The following RNFT2 variants were observed in gnomAD, a reference collection of about 807,000 sequenced individuals.
RNFT2 encodes E3 ubiquitin-protein ligase RNFT2.
A neutral mutation model predicts 53.0 loss-of-function variants in RNFT2; 36 were observed. The ratio of observed to expected loss-of-function variants is 0.68; its 90% CI spans 0.52 to 0.90. The LOEUF (loss-of-function observed/expected upper bound fraction) is 0.90, where lower values mean the gene tolerates loss of function less well. Ranked by LOEUF, RNFT2 falls within the 40% of genes least tolerant of loss-of-function variation. RNFT2 has a pLI of 0.00. For synonymous variants in RNFT2, 260 were observed against 253.2 expected, an observed-to-expected ratio of 1.03 and a Z score of -0.26; for missense variants, 514 against 585.6, an observed-to-expected ratio of 0.88 and a Z score of 1.26.
intron 10 of RNFT2, among the ~76,000 whole-genome samples, chr12:116,837,993 A>G (rs1877062487): frequency 6.6e-6 from 1 of 151,962 alleles, no homozygotes; most frequent in African/African-American, 2.4e-5. Flanking sequence ...ATGTGTGTAT[A>G]TATTTATACA....
chr12:116,831,177 C>A (rs1876625236), intron 7 of RNFT2, among the ~76,000 whole-genome samples: 1 of 137,460 alleles, frequency 7.3e-6, no homozygotes, highest in Non-Finnish European at 1.6e-5. Flanking sequence ...CTGGACAACA[C>A]AGCATGACCT....
At chr12:116,763,959 C>T (rs760324919) in intron 5 of RNFT2, among the ~76,000 whole-genome samples, 8 of 152,068 alleles carry the variant, frequency 5.3e-5, no homozygotes, top group Non-Finnish European at 1.0e-4. Context: ...TCCCAAATGC[C>T]CATCAACCAA....
intron 7 of RNFT2, among the ~76,000 whole-genome samples, chr12:116,805,693 C>T (rs1024071347): frequency 2.6e-5 from 4 of 152,172 alleles, no homozygotes; most frequent in African/African-American, 9.6e-5. Flanking sequence ...AGGCTGGTCT[C>T]GAACTCCTGG....
chr12:116,741,391 G>T (rs893936630), intron 3 of RNFT2, among the ~76,000 whole-genome samples: 1 of 152,142 alleles, frequency 6.6e-6, no homozygotes, highest in Non-Finnish European at 1.5e-5. Flanking sequence ...ATCATAGAAT[G>T]GGTGGTTTAA....
chr12:116,847,895 G>A (rs1877700921), intron 10 of RNFT2, among the ~76,000 whole-genome samples: 1 of 152,132 alleles, frequency 6.6e-6, no homozygotes, highest in African/African-American at 2.4e-5. Flanking sequence ...ATACAGGTTT[G>A]TTACATAGGT....
intron 6 of RNFT2, among the ~76,000 whole-genome samples, chr12:116,768,220 C>T (rs1245655799): frequency 6.6e-6 from 1 of 151,608 alleles, no homozygotes; most frequent in Non-Finnish European, 1.5e-5. Context: ...CCTGTCTCAG[C>T]CTCTTGAGTA....
rs1256797686 is a variant in RNFT2, at chr12:116,750,192, G to A, written c.435G>A (p.Gln145=). The A allele has an allele frequency of 1.9e-6, 3 of 1,601,684 alleles. No individual in the cohort carries two copies. The highest frequency in any genetic ancestry group is 2.5e-6 in the Non-Finnish European group (3 of 1,177,718). Residue 145 remains glutamine, a synonymous_variant, in exon 4 of 11, where the codon CAG becomes CAA. Coordinates refer to ENST00000257575, the MANE Select transcript of RNFT2 (RefSeq NM_001382266.1). ...ACTCGGAGGAGGGAGGCGACGAGCA[G>A]CCTGGGACGCCCGCCCCCGCCCTGT... ...RGHSEEGGDE[Q]PGTPAPALSE...
intron 7 of RNFT2, among the ~76,000 whole-genome samples, chr12:116,784,750 C>G (rs1237400182): frequency 1.3e-5 from 2 of 152,154 alleles, no homozygotes; most frequent in African/African-American, 4.8e-5. Context: ...TTTTGCCTCC[C>G]CAGTGACGTG....
intron 4 of RNFT2, 34 bp downstream of exon 4, chr12:116,750,341 G>C: frequency 6.4e-7 from 1 of 1,560,322 alleles, no homozygotes; most frequent in Non-Finnish European, 8.6e-7. Flanking sequence ...CCTAGCCATG[G>C]GCTTCACAGG....
chr12:116,744,523 A>C (rs1871804775), intron 3 of RNFT2, among the ~76,000 whole-genome samples: 1 of 152,168 alleles, frequency 6.6e-6, no homozygotes, highest in Admixed American at 6.5e-5. Context: ...ACCTAAAGTC[A>C]CACAGCCAGG....
intron 7 of RNFT2, among the ~76,000 whole-genome samples, chr12:116,780,620 C>T (rs878916405): frequency 6.6e-6 from 1 of 150,964 alleles, no homozygotes; most frequent in Admixed American, 6.6e-5. Flanking sequence ...GATGAAGCCG[C>T]AGCTCTGGTA....
At chr12:116,824,107 C>T (rs983263365) in intron 7 of RNFT2, among the ~76,000 whole-genome samples, 1 of 152,178 alleles carries the variant, frequency 6.6e-6, no homozygotes, top group Non-Finnish European at 1.5e-5. Flanking sequence ...TTTCCCAGGT[C>T]TTTCCCATGG....
At chr12:116,823,037 A>G (rs1876131464) in intron 7 of RNFT2, among the ~76,000 whole-genome samples, 1 of 152,160 alleles carries the variant, frequency 6.6e-6, no homozygotes, top group Admixed American at 6.5e-5. Flanking sequence ...AAATACAACT[A>G]GAGAACTAGA....
At position 116,850,036 on chromosome 12, in the gene RNFT2, G is replaced by C. The variant is rs1454131980; in HGVS notation, c.*588G>C. On this transcript the variant is annotated 3_prime_UTR_variant, in exon 11 of 11. Transcript: ENST00000257575. ...TTTTTGTATTTTTTAGTAGAGACAG[G>C]GTTTTGCCATGTTGGCCAGGCTGGT... 1.3e-5 allele frequency: 2 copies of C among 151,374 alleles called. No individual in the cohort carries two copies. The highest frequency in any genetic ancestry group is 3.9e-4 in the East Asian group (2 of 5,142). The allele number at this position is 151,374 out of a possible 1,614,324, so 9.4% of individuals were successfully genotyped here. A position where few individuals can be genotyped will look rare whatever the true frequency, so the allele number is the denominator to read the frequency against.
chr12:116,835,150 C>G (rs1331949469), intron 8 of RNFT2, among the ~76,000 whole-genome samples: 1 of 152,002 alleles, frequency 6.6e-6, no homozygotes, highest in Non-Finnish European at 1.5e-5. Flanking sequence ...CCACCTGGCC[C>G]CCATTATTCC....
chr12:116,804,177 A>G (rs1874937615), intron 7 of RNFT2, among the ~76,000 whole-genome samples: 1 of 152,260 alleles, frequency 6.6e-6, no homozygotes, highest in South Asian at 2.1e-4. Flanking sequence ...TTCTACATAC[A>G]TCCTTTTGCA....
chr12:116,796,605 G>A (rs990733088), intron 7 of RNFT2, among the ~76,000 whole-genome samples: 1 of 152,176 alleles, frequency 6.6e-6, no homozygotes, highest in Admixed American at 6.5e-5. Context: ...GGCTTTCAGT[G>A]CCATTAAAAT....
rs759040331 is a variant in RNFT2, at chr12:116,852,723, C to T, written c.*3275C>T. ...AGTGCAGGTGTGTAAGGAAATAGAA[C>T]AGTCTGCTGGGAGTCAGACCTGGAA... is the stretch of plus-strand genomic sequence containing the variant. On this transcript the variant is annotated 3_prime_UTR_variant, in exon 11 of 11. Coordinates refer to ENST00000257575, the MANE Select transcript of RNFT2 (RefSeq NM_001382266.1). The T allele has an allele frequency of 6.2e-6, 10 of 1,612,110 alleles. No homozygotes were observed. The African/African-American group carries it at 1.2e-4, about 19-fold the overall frequency.
At chr12:116,758,426 G>A (rs1251900771) in intron 5 of RNFT2, among the ~76,000 whole-genome samples, 3 of 152,080 alleles carry the variant, frequency 2.0e-5, no homozygotes, top group Non-Finnish European at 4.4e-5. Context: ...TTGTATTTTT[G>A]TTTTATGGTC....
Sources: gnomAD v4.1 joint callset for allele counts (sites outside exome capture counted in the v4.1 genomes callset) on GRCh38, gnomAD v4.1.1 for gene constraint, MANE v1.5 for transcripts, NCBI Gene and HGNC (gene_info 2026-07-23, HGNC 2026-07-21) for gene names.